Variants in SLC6A17 observed in about 807,000 individuals in gnomAD.
SLC6A17 encodes the protein sodium-dependent neutral amino acid transporter SLC6A17.
A neutral mutation model predicts 64.5 loss-of-function variants in SLC6A17; 21 were observed. The observed-to-expected ratio is 0.33, with a 90% CI of 0.23 to 0.47. The LOEUF (loss-of-function observed/expected upper bound fraction) is 0.47, where lower values mean the gene tolerates loss of function less well. Ranked by LOEUF, SLC6A17 falls within the 20% of genes least tolerant of loss-of-function variation. SLC6A17 has a pLI of 1.00. For missense variants in SLC6A17, 682 were observed against 963.2 expected, an observed-to-expected ratio of 0.71 and a Z score of 3.86; for synonymous variants, 372 against 399.5, an observed-to-expected ratio of 0.93 and a Z score of 0.82.
intron 6 of SLC6A17, among the ~76,000 whole-genome samples, chr1:110,181,200 A>T (rs768999946): frequency 1.7e-4 from 26 of 152,190 alleles, no homozygotes; most frequent in Admixed American, 2.6e-4. Context: ...GATTTGCTTG[A>T]TATAAAGTGG....
intron 9 of SLC6A17, chr1:110,195,069 G>C (rs558952313): frequency 2.7e-5 from 13 of 475,060 alleles, no homozygotes; most frequent in Non-Finnish European, 5.0e-5. Context: ...AGTGGGTGCT[G>C]AGTCGTCTTG....
intron 4 of SLC6A17, among the ~76,000 whole-genome samples, chr1:110,174,530 A>T (rs1255948988): frequency 6.6e-6 from 1 of 152,172 alleles, no homozygotes; most frequent in African/African-American, 2.4e-5. Context: ...ATAGAGAGAC[A>T]TGGGCAGCAG....
At position 110,160,751 on chromosome 1, in the gene SLC6A17, G is replaced by A. The variant is rs542801008; in HGVS notation, c.-87-6092G>A. ...GTGGTTAGTCTAGAGTGAGTGGTGA[G>A]TGGGCTGGGAGGAAGTGGAAGCCGA... On this transcript the variant is annotated intron_variant, in intron 1 of 11. Coordinates refer to ENST00000331565, the MANE Select transcript of SLC6A17 (RefSeq NM_001010898.4). 7.9e-5 allele frequency among the ~76,000 whole-genome samples: 12 copies of A among 152,330 alleles called. No homozygotes were observed. The South Asian group carries it at 1.0e-3, about 13-fold the overall frequency.
At chr1:110,173,146 A>C (rs12116787) in intron 3 of SLC6A17, among the ~76,000 whole-genome samples, 18,816 of 152,300 alleles carry the variant, frequency 0.12, 1,926 homozygotes, top group African/African-American at 0.28. Flanking sequence ...GGACTGAAAG[A>C]ACCCAAGTAA....
chr1:110,159,303 C>T (rs1655838231), intron 1 of SLC6A17, among the ~76,000 whole-genome samples: 4 of 152,178 alleles, frequency 2.6e-5, no homozygotes, highest in Admixed American at 2.6e-4. Context: ...CCCTTGTTTA[C>T]ATGCACACAG....
chr1:110,197,390 T>C (rs531294606), intron 10 of SLC6A17, 47 bp from the exon 11 acceptor site: 2 of 1,564,456 alleles, frequency 1.3e-6, no homozygotes, highest in South Asian at 2.4e-5. Context: ...AAGAGGGAGG[T>C]GTGACTGAGG....
intron 6 of SLC6A17, among the ~76,000 whole-genome samples, chr1:110,188,731 A>C (rs1656750444): frequency 6.6e-6 from 1 of 152,214 alleles, no homozygotes; most frequent in Non-Finnish European, 1.5e-5. Flanking sequence ...ACAACATATA[A>C]AAATGCAACC....
intron 6 of SLC6A17, among the ~76,000 whole-genome samples, chr1:110,189,500 A>G (rs1446494696): frequency 6.6e-6 from 1 of 152,182 alleles, no homozygotes; most frequent in Non-Finnish European, 1.5e-5. Flanking sequence ...GGACCCCAGA[A>G]GCCGCTTCCT....
Position 110,174,871 on chromosome 1 carries a change from G to A in SLC6A17, c.664G>A (p.Gly222Ser), listed in dbSNP as rs749231933. ...CTCTGACTCCATCTCGGAGAGTGGG[G>A]GCCTCAACTGGAAGATGACCCTGTG... Reference protein sequence around the residue: ...DISDSISESGGLNWKMTLCLL... With the variant: ...DISDSISESGSLNWKMTLCLL... The change falls in exon 5 of 12, where the codon GGC becomes AGC. Residue 222 changes from glycine to serine, a missense_variant. Gly to Ser is a moderately conservative substitution (Grantham distance 56). Transcript: ENST00000331565. The A allele has an allele frequency of 1.9e-6, 3 of 1,614,072 alleles. No individual in the cohort carries two copies. Among genetic ancestry groups the A allele is most frequent in the Middle Eastern group, 1.6e-4 (1 of 6,082 alleles).
intron 1 of SLC6A17, among the ~76,000 whole-genome samples, chr1:110,163,892 T>A (rs1655980859): frequency 6.6e-6 from 1 of 152,122 alleles, no homozygotes; most frequent in South Asian, 2.1e-4. Context: ...TCCTCAGAGA[T>A]GCCCTTCCTG....
Position 110,192,722 on chromosome 1 carries a change from C to A in SLC6A17, c.1299+24C>A. 6.3e-7 allele frequency: 1 copy of A among 1,598,498 alleles called. No homozygotes were observed. The highest frequency in any genetic ancestry group is 1.1e-5 in the South Asian group (1 of 88,998). ...AGGTGCGGGGACAGGCTGCCCTTCCCAGGACAGGCAGGAACCCAGAGAGCA... is the reference window on the plus strand; with the variant it reads ...AGGTGCGGGGACAGGCTGCCCTTCCAAGGACAGGCAGGAACCCAGAGAGCA... On this transcript the variant is annotated intron_variant, in intron 8 of 11. Coordinates refer to ENST00000331565, the MANE Select transcript of SLC6A17 (RefSeq NM_001010898.4). The surrounding 1 kb of genome is among the most constrained non-coding windows in gnomAD (Gnocchi z 4.3).
Position 110,192,079 on chromosome 1 carries a change from G to T in SLC6A17, c.972G>T (p.Lys324Asn), listed in dbSNP as rs776544892. The change falls in exon 7 of 12, where the codon AAG (lysine) becomes AAT (asparagine). Residue 324 changes from lysine to asparagine, a missense_variant. Physicochemically the swap from Lys to Asn is moderately conservative, Grantham distance 94. Coordinates refer to ENST00000331565, the MANE Select transcript of SLC6A17 (RefSeq NM_001010898.4). The surrounding 1 kb of genome is among the most constrained non-coding windows in gnomAD (Gnocchi z 4.3). ...GGVIAFSSYN[K>N]QDNNCHFDAA... is the part of the protein sequence containing the mutation. ...TCATTGCCTTCTCCAGCTACAATAA[G>T]CAGGACAACAACTGCCACTTCGATG... 9.3e-6 allele frequency: 15 copies of T among 1,614,182 alleles called. No homozygotes were observed. The highest frequency in any genetic ancestry group is 1.7e-5 in the Admixed American group (1 of 60,018).
chr1:110,192,584 C>T lies in SLC6A17; in HGVS notation c.1185C>T (p.Ser395=), dbSNP rs1306945966. 5.6e-6 allele frequency: 9 copies of T among 1,614,080 alleles called. No individual in the cohort carries two copies. Among genetic ancestry groups the T allele is most frequent in the Non-Finnish European group, 5.9e-6 (7 of 1,180,038 alleles). Residue 395 remains serine, a synonymous_variant, in exon 8 of 12, where the codon TCC becomes TCT. Coordinates refer to ENST00000331565, the MANE Select transcript of SLC6A17 (RefSeq NM_001010898.4). The surrounding 1 kb of genome is among the most constrained non-coding windows in gnomAD (Gnocchi z 4.3). Reference sequence around the variant, plus strand: ...TCATCCCACCCCACGTCAACTTCTCCCACCTGACCACAAAGGACTACATGG... The same window carrying T: ...TCATCCCACCCCACGTCAACTTCTCTCACCTGACCACAAAGGACTACATGG... ...RDLIPPHVNF[S]HLTTKDYMEM...
chr1:110,197,859 G>T (rs1271014821), intron 11 of SLC6A17, among the ~76,000 whole-genome samples: 1 of 152,216 alleles, frequency 6.6e-6, no homozygotes, highest in Non-Finnish European at 1.5e-5. Flanking sequence ...CATGCCTGTG[G>T]AGTGGAATTA....
chr1:110,168,668 C>T lies in SLC6A17; in HGVS notation c.286+1453C>T, dbSNP rs1342590530. Among the ~76,000 whole-genome samples the T allele has an allele frequency of 2.0e-5, 3 of 152,162 alleles. No homozygotes were observed. The East Asian group carries it at 5.8e-4, about 29-fold the overall frequency. ...GATGTTGAGAAGAGCTCCAAGGCAA[C>T]CAAAATGACTTCAAAGGACGTGTGG... On this transcript the variant is annotated intron_variant, in intron 2 of 11. Transcript: ENST00000331565.
intron 6 of SLC6A17, among the ~76,000 whole-genome samples, chr1:110,188,349 C>T (rs1201035142): frequency 1.3e-5 from 2 of 152,256 alleles, no homozygotes; most frequent in African/African-American, 4.8e-5. Context: ...GGTGGGCCCC[C>T]AGCAGTACAG....
chr1:110,198,071 C>A lies in SLC6A17; in HGVS notation c.1816-5C>A. ...GCAGCAGCCCTTAAGGCAGCCCACC[C>A]GCAGGCTGCCGAGCGCTACCTGTAT... is the stretch of plus-strand genomic sequence containing the variant. On this transcript the variant is annotated splice_region_variant and splice_polypyrimidine_tract_variant and intron_variant, in intron 11 of 11. Transcript: ENST00000331565. The A allele has an allele frequency of 6.2e-7, 1 of 1,607,056 alleles. No homozygotes were observed.
Position 110,198,491 on chromosome 1 carries a change from C to G in SLC6A17, c.*47C>G. 10 of 1,567,478 alleles carry G rather than the reference C, an allele frequency of 6.4e-6. No homozygotes were observed. The highest frequency in any genetic ancestry group is 8.6e-6 in the Non-Finnish European group (10 of 1,156,456). ...CCTCTCCCCCCACGCTCAACCTGCC[C>G]ACTTGTCCAGGCCTGGCCTCTTTCT... On this transcript the variant is annotated 3_prime_UTR_variant, in exon 12 of 12. Coordinates refer to ENST00000331565, the MANE Select transcript of SLC6A17 (RefSeq NM_001010898.4).
rs530133894 is a variant in SLC6A17, at chr1:110,187,040, G to C, written c.865-4932G>C. On this transcript the variant is annotated intron_variant, in intron 6 of 11. Coordinates refer to ENST00000331565, the MANE Select transcript of SLC6A17 (RefSeq NM_001010898.4). Reference sequence around the variant, plus strand: ...TTCAGAACATAAAGGAATGGAAAAAGATTTTCTAGAAGACAGTGGGGAACC... The same window carrying C: ...TTCAGAACATAAAGGAATGGAAAAACATTTTCTAGAAGACAGTGGGGAACC... 7.2e-5 allele frequency among the ~76,000 whole-genome samples: 11 copies of C among 152,040 alleles called. No homozygotes were observed. In the South Asian group the frequency reaches 8.3e-4, roughly 12 times the overall value.
Sources: gnomAD v4.1 joint callset for allele counts (sites outside exome capture counted in the v4.1 genomes callset) on GRCh38, gnomAD v4.1.1 for gene constraint, Gnocchi (gnomAD v3.1) non-coding constraint, MANE v1.5 for transcripts, NCBI Gene and HGNC (gene_info 2026-07-23, HGNC 2026-07-21) for gene names.